The following ADD2 variants were observed in gnomAD, a reference collection of about 807,000 sequenced individuals.
The protein encoded by ADD2 is adducin 2.
ADD2 carries 23 observed loss-of-function variants against 83.0 expected under a neutral mutation model. The observed-to-expected ratio is 0.28, with a 90% CI of 0.20 to 0.39. The LOEUF is 0.39. ADD2 is among the 10% of genes least tolerant of loss of function. The pLI, the probability that ADD2 is intolerant of heterozygous loss-of-function variation, is 1.00. For missense variants in ADD2, 758 were observed against 944.9 expected (o/e 0.80, Z 2.59); for synonymous variants, 375 against 375.4 (o/e 1.00, Z 0.01).
rs1358721602 is a variant in ADD2, at chr2:70,762,436, C to A, written c.-154+5450G>T. Among the ~76,000 whole-genome samples, 3 of 151,756 alleles carry A rather than the reference C, an allele frequency of 2.0e-5. 1 individual carries two copies. Among genetic ancestry groups the A allele is most frequent in the African/African-American group, 7.3e-5 (3 of 41,110 alleles). ...CAACATTTGTGTCACAGAGGATAAC[C>A]AGTCATCCCCATTTGCCTGGCACTG... On this transcript the variant is annotated intron_variant, in intron 1 of 15. Coordinates refer to ENST00000264436, the MANE Select transcript of ADD2 (RefSeq NM_001617.4).
At chr2:70,679,712 A>G (rs1553369202) in intron 10 of ADD2, among the ~76,000 whole-genome samples, 3 of 152,230 alleles carry the variant, frequency 2.0e-5, no homozygotes, top group African/African-American at 7.2e-5. Context: ...AAAATAAGGA[A>G]AAAACGGAAT....
chr2:70,663,672 T>A lies in ADD2; in HGVS notation c.1934A>T (p.Glu645Val). ...ATTEPETTQP[E>V]GVVVNGREEE... ...CTCCCTCCCGTTGACCACCACCCCT[T>A]CCGGCTGGGTTGTTTCGGGCTCTGT... The change falls in exon 16 of 16, where the codon GAA (glutamate) becomes GTA (valine). Residue 645 changes from glutamate (E) to valine (V), a missense_variant. Physicochemically the swap from Glu to Val is moderately radical, Grantham distance 121. This residue lies in a region of ADD2 where 165 missense variants were observed against 176.2 expected (regional missense o/e 0.94). Coordinates refer to ENST00000264436, the MANE Select transcript of ADD2 (RefSeq NM_001617.4). 3 of 1,614,138 alleles carry A rather than the reference T, an allele frequency of 1.9e-6. No individual in the cohort carries two copies. Among genetic ancestry groups the A allele is most frequent in the Non-Finnish European group, 2.5e-6 (3 of 1,180,020 alleles).
At chr2:70,740,473 T>C (rs1413737617) in intron 1 of ADD2, among the ~76,000 whole-genome samples, 1 of 152,112 alleles carries the variant, frequency 6.6e-6, no homozygotes, top group Non-Finnish European at 1.5e-5. Flanking sequence ...GTGGCAAAAA[T>C]TACATTATAG....
chr2:70,763,265 G>A (rs897468443), intron 1 of ADD2, among the ~76,000 whole-genome samples: 4 of 151,914 alleles, frequency 2.6e-5, no homozygotes, highest in African/African-American at 4.9e-5. Context: ...AGTGCTCTTC[G>A]AGTTTGGAAG....
Position 70,676,817 on chromosome 2 carries a change from A to G in ADD2, c.1572T>C (p.Ile524=). ...GPQSQLLASV[I]AEKSRSPSTE... Reference sequence around the variant, plus strand: ...CTACCGGGCTTCGGCTCTTCTCGGCAATGACGCTCGCCAGGAGCTGGGACT... The same window carrying G: ...CTACCGGGCTTCGGCTCTTCTCGGCGATGACGCTCGCCAGGAGCTGGGACT... The change falls in exon 13 of 16, where the codon ATT becomes ATC. Residue 524 remains isoleucine, a synonymous_variant. Coordinates refer to ENST00000264436, the MANE Select transcript of ADD2 (RefSeq NM_001617.4). The surrounding 1 kb of genome is among the most constrained non-coding windows in gnomAD (Gnocchi z 4.8). 5 of 1,614,134 alleles carry G rather than the reference A, an allele frequency of 3.1e-6. No individual in the cohort carries two copies. Among genetic ancestry groups the G allele is most frequent in the Non-Finnish European group, 4.2e-6 (5 of 1,180,016 alleles).
At chr2:70,695,024 A>G (rs1553372347) in intron 6 of ADD2, among the ~76,000 whole-genome samples, 1 of 152,044 alleles carries the variant, frequency 6.6e-6, no homozygotes, top group African/African-American at 2.4e-5. Flanking sequence ...GGCCTTGGCC[A>G]TGGTAGAAGT....
intron 4 of ADD2, among the ~76,000 whole-genome samples, chr2:70,699,446 C>A (rs1212653076): frequency 6.6e-6 from 1 of 152,120 alleles, no homozygotes; most frequent in African/African-American, 2.4e-5. Flanking sequence ...TCTGTTACAG[C>A]CACAGAATGT....
At chr2:70,755,287 T>C (rs553964120) in intron 1 of ADD2, among the ~76,000 whole-genome samples, 2 of 152,306 alleles carry the variant, frequency 1.3e-5, no homozygotes, top group South Asian at 4.1e-4. Context: ...AATAGCATAA[T>C]GAAAATGCCT....
chr2:70,693,187 A>G (rs1047407696), intron 6 of ADD2, among the ~76,000 whole-genome samples: 1 of 152,178 alleles, frequency 6.6e-6, no homozygotes, highest in Non-Finnish European at 1.5e-5. Context: ...CCCACAATCC[A>G]AGGTAAACAG....
Position 70,683,757 on chromosome 2 carries a change from A to T in ADD2, c.959T>A (p.Leu320Gln). ...QAACEIQVSA[L>Q]SSAGGVENLI... ...GTTCTCCACTCCCCCGGCACTGGAC[A>T]GAGCCGACACCTGTAGCAAAGAGCA... The change falls in exon 10 of 16, where the codon CTG becomes CAG. Residue 320 changes from leucine (L) to glutamine (Q), a missense_variant. Physicochemically the swap from Leu to Gln is moderately radical, Grantham distance 113 (BLOSUM62 -2). Transcript: ENST00000264436. 6.2e-7 allele frequency: 1 copy of T among 1,611,758 alleles called. No individual in the cohort carries two copies. Among genetic ancestry groups the T allele is most frequent in the Non-Finnish European group, 8.5e-7 (1 of 1,178,158 alleles).
Position 70,706,468 on chromosome 2 carries a change from G to A in ADD2, c.-34-26C>T, listed in dbSNP as rs782202545. On this transcript the variant is annotated intron_variant, in intron 2 of 15. Transcript: ENST00000264436. The surrounding 1 kb of genome is among the most constrained non-coding windows in gnomAD (Gnocchi z 5.0). ...CTACAGAGAAGGGGAGAGGGTATGC[G>A]GTCAGGTTGGTGCTCCCCATCGGGG... 7.1e-6 allele frequency: 11 copies of A among 1,542,752 alleles called. No homozygotes were observed. The highest frequency in any genetic ancestry group is 4.9e-5 in the South Asian group (4 of 82,448).
At chr2:70,678,368 A>G (rs527920208) in intron 11 of ADD2, among the ~76,000 whole-genome samples, 12 of 152,280 alleles carry the variant, frequency 7.9e-5, no homozygotes, top group Admixed American at 3.3e-4. Flanking sequence ...TGAAGTCCCA[A>G]TGTTAAATGC....
chr2:70,667,104 T>C (rs1426018157), intron 15 of ADD2, among the ~76,000 whole-genome samples: 1 of 152,110 alleles, frequency 6.6e-6, no homozygotes, highest in Admixed American at 6.5e-5. Flanking sequence ...CCCCAGGAAC[T>C]AGGGTCAGAT....
chr2:70,745,264 C>A (rs895006608), intron 1 of ADD2, among the ~76,000 whole-genome samples: 4 of 151,656 alleles, frequency 2.6e-5, no homozygotes, highest in African/African-American at 7.3e-5. Flanking sequence ...CCAGCCTGGG[C>A]GACAGAGCGA....
chr2:70,659,172 A>C lies in ADD2; in HGVS notation c.*4253T>G, dbSNP rs1454667709. 1 of 127,124 alleles carries C rather than the reference A, an allele frequency of 7.9e-6. No individual in the cohort carries two copies. The highest frequency in any genetic ancestry group is 2.8e-5 in the African/African-American group (1 of 35,678). The allele number at this position is 127,124 out of a possible 1,614,324, so 7.9% of individuals were successfully genotyped here. On this transcript the variant is annotated 3_prime_UTR_variant, in exon 16 of 16. Transcript: ENST00000264436. ...AAAAAAAAAAAAAAAAAAAAAAAAAAGAAAGAAAAAGAAAAAACATGTCAT... is the reference window on the plus strand; with the variant it reads ...AAAAAAAAAAAAAAAAAAAAAAAAACGAAAGAAAAAGAAAAAACATGTCAT...
At chr2:70,765,737 G>A (rs904836699) in intron 1 of ADD2, among the ~76,000 whole-genome samples, 2 of 152,086 alleles carry the variant, frequency 1.3e-5, no homozygotes, top group Non-Finnish European at 2.9e-5. Context: ...TTTGTTTCCT[G>A]CCCGTAGCCA....
At position 70,663,689 on chromosome 2, in the gene ADD2, G is replaced by A. The variant is rs1553365538; in HGVS notation, c.1917C>T (p.Pro639=). Residue 639 remains proline, a synonymous_variant, in exon 16 of 16, where the codon CCC becomes CCT. Transcript: ENST00000264436. ...CCACCCCTTCCGGCTGGGTTGTTTCGGGCTCTGTGGTGGCGGCTTTGCTTG... is the reference window on the plus strand; with the variant it reads ...CCACCCCTTCCGGCTGGGTTGTTTCAGGCTCTGTGGTGGCGGCTTTGCTTG... ...TETSKAATTE[P]ETTQPEGVVV... is the part of the protein sequence containing the mutation. 10 of 1,613,876 alleles carry A rather than the reference G, an allele frequency of 6.2e-6. 1 individual carries two copies. Among genetic ancestry groups the A allele is most frequent in the South Asian group, 5.5e-5 (5 of 91,060 alleles).
chr2:70,712,451 A>G (rs1490219910), intron 2 of ADD2, among the ~76,000 whole-genome samples: 1 of 126,128 alleles, frequency 7.9e-6, no homozygotes, highest in Non-Finnish European at 1.6e-5. Context: ...CTCAAAAAAA[A>G]TAAATAAATA....
Position 70,663,750 on chromosome 2 carries a change from A to G in ADD2, c.1871-15T>C. On this transcript the variant is annotated splice_polypyrimidine_tract_variant and intron_variant, in intron 15 of 15. Transcript: ENST00000264436. ...CTTAGTACCTTCTAGAAAAAGATCA[A>G]AAGATATGACCTGTAAGATTTCATT... 6.2e-7 allele frequency: 1 copy of G among 1,609,006 alleles called. No homozygotes were observed.
Sources: allele counts gnomAD v4.1 joint callset (sites outside exome capture counted in the v4.1 genomes callset), GRCh38; gene constraint gnomAD v4.1.1; regional missense constraint gnomAD v4.1.1; non-coding constraint Gnocchi (gnomAD v3.1); transcripts MANE v1.5; gene names NCBI Gene and HGNC (gene_info 2026-07-23, HGNC 2026-07-21).